The following PKP4 variants were observed in gnomAD, a reference collection of about 807,000 sequenced individuals.
PKP4 encodes the protein plakophilin-4.
A neutral mutation model predicts 145.1 loss-of-function variants in PKP4; 90 were observed. That is an observed-to-expected ratio of 0.62 (90% CI 0.52 to 0.74). The LOEUF is 0.74. Among genes scored for constraint, PKP4 ranks in the 30% least tolerant of loss-of-function variants. The pLI is 0.00. For synonymous variants in PKP4, 563 were observed against 577.2 expected, an observed-to-expected ratio of 0.98 and a Z score of 0.35; for missense variants, 1,340 against 1,482.7, an observed-to-expected ratio of 0.90 and a Z score of 1.58.
chr2:158,533,755 G>GT (rs1468584414), intron 2 of PKP4, among the ~76,000 whole-genome samples: 12 of 152,174 alleles, frequency 7.9e-5, no homozygotes. Context: ...ATATTTGTGT[G>GT]TTTGTCTAAA....
Position 158,625,035 on chromosome 2 carries a change from G to A in PKP4, c.761G>A (p.Arg254Gln), listed in dbSNP as rs1019386257. ...GFGSPSVTDPRPLNPSAYSST... is the reference protein window; with the variant it reads ...GFGSPSVTDPQPLNPSAYSST... ...GGCTCTCCGTCAGTGACCGACCCCC[G>A]ACCTCTGAACCCCAGTGCATATTCC... Residue 254 changes from arginine (R) to glutamine (Q), a missense_variant, in exon 7 of 22, where the codon CGA (arginine) becomes CAA (glutamine). Physicochemically the swap from Arg to Gln is conservative, Grantham distance 43 (BLOSUM62 1). Coordinates refer to ENST00000389759, the MANE Select transcript of PKP4 (RefSeq NM_003628.6). 10 of 1,613,992 alleles carry A rather than the reference G, an allele frequency of 6.2e-6. No individual in the cohort carries two copies. Among genetic ancestry groups the A allele is most frequent in the Admixed American group, 5.0e-5 (3 of 59,998 alleles).
At chr2:158,599,653 G>A (rs150711270) in intron 3 of PKP4, among the ~76,000 whole-genome samples, 27 of 152,290 alleles carry the variant, frequency 1.8e-4, no homozygotes, top group African/African-American at 6.5e-4. Flanking sequence ...GCAAACAATA[G>A]AATCTTCTCT....
chr2:158,572,729 G>A (rs2047515968), intron 2 of PKP4, among the ~76,000 whole-genome samples: 2 of 152,180 alleles, frequency 1.3e-5, no homozygotes, highest in Admixed American at 1.3e-4. Flanking sequence ...AAACTTAAAT[G>A]GTCAATAAAC....
intron 3 of PKP4, among the ~76,000 whole-genome samples, chr2:158,591,161 A>G (rs979093527): frequency 2.0e-5 from 3 of 152,082 alleles, no homozygotes; most frequent in Non-Finnish European, 2.9e-5. Context: ...GTAAAACTAT[A>G]TATCAGAAGA....
chr2:158,652,265 C>T (rs1267547590), intron 11 of PKP4, among the ~76,000 whole-genome samples: 2 of 152,124 alleles, frequency 1.3e-5, no homozygotes, highest in Admixed American at 6.5e-5. Flanking sequence ...TTCAAGTAGC[C>T]ACATGTGGCT....
chr2:158,616,672 A>G (rs1234191799), intron 4 of PKP4, among the ~76,000 whole-genome samples: 1 of 152,086 alleles, frequency 6.6e-6, no homozygotes, highest in Admixed American at 6.5e-5. Context: ...CACCATAGCA[A>G]CTCAGAACAG....
chr2:158,598,592 C>A (rs2049969292), intron 3 of PKP4, among the ~76,000 whole-genome samples: 1 of 152,020 alleles, frequency 6.6e-6, no homozygotes. Flanking sequence ...ACGGTGAAAC[C>A]CCGTCTCTAC....
chr2:158,528,691 C>T (rs1426492512), intron 1 of PKP4, among the ~76,000 whole-genome samples: 1 of 80,286 alleles, frequency 1.2e-5, no homozygotes, highest in Admixed American at 1.2e-4. Context: ...AAAAAAGAGA[C>T]CTGGGCAAAG....
At chr2:158,609,283 C>G (rs529472281) in intron 4 of PKP4, among the ~76,000 whole-genome samples, 28 of 152,240 alleles carry the variant, frequency 1.8e-4, no homozygotes, top group Non-Finnish European at 3.5e-4. Context: ...TGAAAATCAT[C>G]TATCTTAGAA....
intron 1 of PKP4, among the ~76,000 whole-genome samples, chr2:158,465,670 A>AT (rs1690498591): frequency 6.6e-6 from 1 of 152,180 alleles, no homozygotes; most frequent in Non-Finnish European, 1.5e-5. Context: ...ATGTTTCAAA[A>AT]TCTCTCGTGA....
intron 18 of PKP4, 32 bp from the exon 19 acceptor site, chr2:158,673,851 T>G: frequency 6.6e-7 from 1 of 1,507,762 alleles, no homozygotes; most frequent in Non-Finnish European, 9.2e-7. Context: ...ATTATTCATT[T>G]TGAGAGGTTT....
chr2:158,676,749 C>G lies in PKP4; in HGVS notation c.3138C>G (p.Thr1046=), dbSNP rs1424117187. The G allele has an allele frequency of 6.2e-7, 1 of 1,614,052 alleles. No homozygotes were observed. The highest frequency in any genetic ancestry group is 1.3e-5 in the African/African-American group (1 of 74,938). The part of the protein sequence containing the change: ...MSPIIQSVGS[T]SSSPALLGIR... The stretch of plus-strand genomic sequence containing the variant: ...TGCCTCTCCCTTCAGTCGGCAGCAC[C>G]TCTTCCTCACCAGCACTGTTAGGAA... The change falls in exon 20 of 22, where the codon ACC becomes ACG. Residue 1046 remains threonine (T), a synonymous_variant. Transcript: ENST00000389759.
At chr2:158,637,994 C>T (rs895443672) in intron 9 of PKP4, among the ~76,000 whole-genome samples, 1 of 152,188 alleles carries the variant, frequency 6.6e-6, no homozygotes, top group African/African-American at 2.4e-5. Flanking sequence ...CCTCATGGCA[C>T]CGGGGATGTC....
At chr2:158,478,247 T>G (rs750867922) in intron 1 of PKP4, among the ~76,000 whole-genome samples, 11 of 151,782 alleles carry the variant, frequency 7.2e-5, no homozygotes, top group Non-Finnish European at 1.3e-4. Context: ...TTCAGAAAAA[T>G]TACTTCTGAA....
intron 2 of PKP4, among the ~76,000 whole-genome samples, chr2:158,554,118 G>A (rs543797456): frequency 2.0e-5 from 3 of 150,200 alleles, no homozygotes; most frequent in Admixed American, 6.6e-5. Flanking sequence ...GCCTTTACAC[G>A]TCCCTGGCTC....
At chr2:158,644,349 G>T (rs1016653274) in intron 11 of PKP4, among the ~76,000 whole-genome samples, 1 of 152,204 alleles carries the variant, frequency 6.6e-6, no homozygotes, top group Non-Finnish European at 1.5e-5. Context: ...GAGAGAGAGG[G>T]AGAAGTGAGT....
At chr2:158,655,276 C>CT (rs1331686281) in intron 11 of PKP4, among the ~76,000 whole-genome samples, 1 of 152,066 alleles carries the variant, frequency 6.6e-6, no homozygotes, top group Non-Finnish European at 1.5e-5. Context: ...TTCTGAATGC[C>CT]TGGGAAGAAA....
At chr2:158,599,475 A>G (rs2050047084) in intron 3 of PKP4, among the ~76,000 whole-genome samples, 1 of 152,196 alleles carries the variant, frequency 6.6e-6, no homozygotes, top group Admixed American at 6.5e-5. Flanking sequence ...GGGAATCACT[A>G]AACAGGAGTC....
chr2:158,660,211 C>G (rs531746105), intron 12 of PKP4: 5 of 152,798 alleles, frequency 3.3e-5, no homozygotes, highest in African/African-American at 1.2e-4. Context: ...TTTGAGAAGT[C>G]TAATTAGCTG....
Sources: gnomAD v4.1 joint callset for allele counts (sites outside exome capture counted in the v4.1 genomes callset) on GRCh38, gnomAD v4.1.1 for gene constraint, MANE v1.5 for transcripts, NCBI Gene and HGNC (gene_info 2026-07-23, HGNC 2026-07-21) for gene names.